Variants in LRRC4C observed in about 807,000 individuals in gnomAD.
LRRC4C encodes leucine rich repeat containing 4C.
LRRC4C carries 5 observed loss-of-function variants against 33.6 expected under a neutral mutation model. The ratio of observed to expected loss-of-function variants is 0.15; its 90% confidence interval spans 0.08 to 0.31. The LOEUF (loss-of-function observed/expected upper bound fraction) is 0.31. Ranked by LOEUF, LRRC4C falls within the 10% of genes least tolerant of loss-of-function variation. The pLI is 1.00. For synonymous variants in LRRC4C, 329 were observed against 302.0 expected, an observed-to-expected ratio of 1.09 and a Z score of -0.93; for missense variants, 560 against 796.7, an observed-to-expected ratio of 0.70 and a Z score of 3.58.
intron 2 of LRRC4C, among the ~76,000 whole-genome samples, chr11:40,764,441 C>T (rs1949358296): frequency 6.6e-6 from 1 of 152,042 alleles, no homozygotes; most frequent in Non-Finnish European, 1.5e-5. Context: ...AGCTCAGCCA[C>T]AGTAGATAGA....
At chr11:40,811,819 C>T (rs1951503355) in intron 2 of LRRC4C, among the ~76,000 whole-genome samples, 1 of 152,124 alleles carries the variant, frequency 6.6e-6, no homozygotes, top group Non-Finnish European at 1.5e-5. Flanking sequence ...TTTAGGCAGG[C>T]TGCTCCCTTG....
chr11:40,407,242 G>A (rs1244232147), intron 3 of LRRC4C, among the ~76,000 whole-genome samples: 1 of 152,050 alleles, frequency 6.6e-6, no homozygotes, highest in African/African-American at 2.4e-5. Flanking sequence ...AGGCCATGTG[G>A]ATTTGACAAA....
At chr11:40,633,395 C>CTT (rs35352183) in intron 3 of LRRC4C, among the ~76,000 whole-genome samples, 19,518 of 124,484 alleles carry the variant, frequency 0.16, 2,115 homozygotes, top group Middle Eastern at 0.19. Flanking sequence ...TTCTTTCTTT[C>CTT]TTTTTTTTTT....
chr11:41,008,826 T>C (rs1288123355), intron 1 of LRRC4C, among the ~76,000 whole-genome samples: 1 of 152,144 alleles, frequency 6.6e-6, no homozygotes, highest in Non-Finnish European at 1.5e-5. Flanking sequence ...TTATTTTTAA[T>C]TGGAGGCATT....
intron 2 of LRRC4C, among the ~76,000 whole-genome samples, chr11:40,712,871 CCTTTCTTTCTTT>C (rs566440037): frequency 6.6e-6 from 1 of 150,700 alleles, no homozygotes; most frequent in South Asian, 2.1e-4. Flanking sequence ...CATATAAGTT[CCTTTCTTTCTTT>C]CTTTCTTTCT....
At chr11:41,376,981 A>C (rs1190931011) in intron 1 of LRRC4C, among the ~76,000 whole-genome samples, 1 of 152,170 alleles carries the variant, frequency 6.6e-6, no homozygotes, top group Non-Finnish European at 1.5e-5. Context: ...GCTTCAACTA[A>C]TAAAATGGGT....
intron 4 of LRRC4C, among the ~76,000 whole-genome samples, chr11:40,271,800 C>T (rs2136345475): frequency 6.6e-6 from 1 of 152,314 alleles, no homozygotes; most frequent in South Asian, 2.1e-4. Context: ...GGATTCATTT[C>T]ATATCTGCCT....
At chr11:40,680,528 C>A (rs756358797) in intron 2 of LRRC4C, among the ~76,000 whole-genome samples, 16 of 152,048 alleles carry the variant, frequency 1.1e-4, no homozygotes, top group Non-Finnish European at 2.4e-4. Flanking sequence ...ATCTTGGAGG[C>A]GGATCTTTCC....
chr11:40,131,573 T>C (rs997048040), intron 6 of LRRC4C, among the ~76,000 whole-genome samples: 3 of 152,156 alleles, frequency 2.0e-5, no homozygotes, highest in African/African-American at 7.2e-5. Context: ...CAGACACTAA[T>C]AGTACATAGA....
At chr11:41,272,887 G>A (rs1400159250) in intron 1 of LRRC4C, among the ~76,000 whole-genome samples, 5 of 152,072 alleles carry the variant, frequency 3.3e-5, no homozygotes, top group Non-Finnish European at 5.9e-5. Context: ...AAGAATATCT[G>A]TGACCAGCTG....
chr11:40,987,780 A>C (rs1270709609), intron 1 of LRRC4C, among the ~76,000 whole-genome samples: 2 of 151,276 alleles, frequency 1.3e-5, no homozygotes, highest in East Asian at 3.9e-4. Flanking sequence ...AGAAGCAAGC[A>C]AATATAATTC....
chr11:41,217,819 G>A (rs1465982395), intron 1 of LRRC4C, among the ~76,000 whole-genome samples: 1 of 151,996 alleles, frequency 6.6e-6, no homozygotes, highest in African/African-American at 2.4e-5. Context: ...TAGCAATATT[G>A]CACTTCTACC....
At chr11:41,263,957 C>T (rs1419891008) in intron 1 of LRRC4C, among the ~76,000 whole-genome samples, 2 of 152,072 alleles carry the variant, frequency 1.3e-5, no homozygotes, top group Non-Finnish European at 2.9e-5. Context: ...ATGTGAATCA[C>T]AGTCTTGATG....
intron 3 of LRRC4C, among the ~76,000 whole-genome samples, chr11:40,449,086 T>G (rs1042462364): frequency 2.6e-5 from 4 of 152,218 alleles, no homozygotes; most frequent in African/African-American, 9.7e-5. Context: ...GCCTACTTTT[T>G]GATGGGGTTG....
intron 2 of LRRC4C, among the ~76,000 whole-genome samples, chr11:40,859,374 G>A (rs61886579): frequency 0.039 from 5,874 of 152,072 alleles, 207 homozygotes; most frequent in African/African-American, 0.094. Flanking sequence ...TGAGAGGCTC[G>A]TAGACTTATG....
chr11:41,216,736 G>A (rs1169105181), intron 1 of LRRC4C, among the ~76,000 whole-genome samples: 1 of 152,130 alleles, frequency 6.6e-6, no homozygotes, highest in Non-Finnish European at 1.5e-5. Context: ...CATCAATATA[G>A]TGTGAAAAAT....
chr11:40,617,025 A>T (rs758138127), intron 3 of LRRC4C, among the ~76,000 whole-genome samples: 1 of 151,578 alleles, frequency 6.6e-6, no homozygotes, highest in Non-Finnish European at 1.5e-5. Flanking sequence ...TAGCCACTTC[A>T]CTCATTTTTA....
chr11:40,231,935 A>G (rs1457723169), intron 5 of LRRC4C, among the ~76,000 whole-genome samples: 15 of 152,134 alleles, frequency 9.9e-5, no homozygotes, highest in Admixed American at 9.8e-4. Context: ...TAGGTAAACA[A>G]AAGTTGTGTA....
At chr11:40,283,176 T>C (rs936629603) in intron 4 of LRRC4C, among the ~76,000 whole-genome samples, 3 of 152,168 alleles carry the variant, frequency 2.0e-5, no homozygotes, top group African/African-American at 7.2e-5. Flanking sequence ...AAGCTATGCA[T>C]TGGAATATTA....
Sources: gnomAD v4.1 joint callset for allele counts (sites outside exome capture counted in the v4.1 genomes callset) on GRCh38, gnomAD v4.1.1 for gene constraint, MANE v1.5 for transcripts, NCBI Gene and HGNC (gene_info 2026-07-23, HGNC 2026-07-21) for gene names.